Variants in ADAMTS5 observed in about 807,000 individuals in gnomAD.
ADAMTS5 encodes ADAM metallopeptidase with thrombospondin type 1 motif 5.
In ADAMTS5, 54 loss-of-function variants were observed where a neutral mutation model predicts 81.4. The observed-to-expected ratio is 0.66, with a 90% CI of 0.53 to 0.83. The LOEUF is 0.83. ADAMTS5 is among the 40% of genes least tolerant of loss of function. The probability of loss-of-function intolerance (pLI) is 0.00; values close to 1 mark genes in which losing one functional copy is unlikely to be tolerated. For missense variants in ADAMTS5, 1,194 were observed against 1,229.9 expected (o/e 0.97, Z 0.44); for synonymous variants, 532 against 508.8 (o/e 1.05, Z -0.61).
intron 1 of ADAMTS5, among the ~76,000 whole-genome samples, chr21:26,964,271 G>T (rs2036146): frequency 0.019 from 2,887 of 152,240 alleles, 101 homozygotes; most frequent in African/African-American, 0.064. Context: ...AGAACTATGC[G>T]CAAGCCAGGC....
chr21:26,941,186 G>A (rs1281120733), intron 3 of ADAMTS5, among the ~76,000 whole-genome samples: 1 of 152,016 alleles, frequency 6.6e-6, no homozygotes, highest in South Asian at 2.1e-4. Flanking sequence ...AAGTGAGAAA[G>A]TCTAGATTGG....
chr21:26,928,852 C>T (rs1411985946), intron 7 of ADAMTS5, among the ~76,000 whole-genome samples: 1 of 151,790 alleles, frequency 6.6e-6, no homozygotes, highest in Non-Finnish European at 1.5e-5. Context: ...TTTCAGAGTC[C>T]AACTCATTTT....
rs1291110431 is a variant in ADAMTS5, at chr21:26,932,085, A to G, written c.1968T>C (p.Tyr656=). Residue 656 remains tyrosine, a synonymous_variant, in exon 6 of 8, where the codon TAT becomes TAC. Coordinates refer to ENST00000284987, the MANE Select transcript of ADAMTS5 (RefSeq NM_007038.5). The part of the protein sequence containing the change: ...VKTFVEWVPK[Y]AGVLPADVCK... ...ACACATCCGCTGGCAGGACACCTGC[A>G]TATTTGGGAACCCATTCCACAAAAG... 3 of 1,614,116 alleles carry G rather than the reference A, an allele frequency of 1.9e-6. No individual in the cohort carries two copies. The highest frequency in any genetic ancestry group is 2.7e-5 in the African/African-American group (2 of 74,948).
At chr21:26,952,049 G>A (rs1400148773) in intron 2 of ADAMTS5, among the ~76,000 whole-genome samples, 1 of 152,160 alleles carries the variant, frequency 6.6e-6, no homozygotes, top group Non-Finnish European at 1.5e-5. Context: ...TTTTATGAAA[G>A]CAGAATTGAA....
Position 26,934,446 on chromosome 21 carries a change from C to T in ADAMTS5, c.1689+20G>A. 6.2e-7 allele frequency: 1 copy of T among 1,613,056 alleles called. No homozygotes were observed. The highest frequency in any genetic ancestry group is 1.1e-5 in the South Asian group (1 of 90,856). Reference sequence around the variant, plus strand: ...CACTTCTTGGGCCTCCAGGCATTGACTGATGAGAAAATCACTTACTGAATA... The same window carrying T: ...CACTTCTTGGGCCTCCAGGCATTGATTGATGAGAAAATCACTTACTGAATA... On this transcript the variant is annotated intron_variant, in intron 4 of 7. Coordinates refer to ENST00000284987, the MANE Select transcript of ADAMTS5 (RefSeq NM_007038.5).
chr21:26,929,298 A>G (rs1986862589), intron 7 of ADAMTS5, among the ~76,000 whole-genome samples: 1 of 152,146 alleles, frequency 6.6e-6, no homozygotes, highest in Non-Finnish European at 1.5e-5. Flanking sequence ...AGCATATTTT[A>G]TGCCGGAAAT....
chr21:26,949,152 T>A (rs1194774195), intron 2 of ADAMTS5, among the ~76,000 whole-genome samples: 1 of 150,368 alleles, frequency 6.7e-6, no homozygotes, highest in Non-Finnish European at 1.5e-5. Context: ...TATATATATA[T>A]ATCACACATA....
chr21:26,927,951 C>G (rs930341614), intron 7 of ADAMTS5, among the ~76,000 whole-genome samples: 3 of 151,894 alleles, frequency 2.0e-5, no homozygotes, highest in African/African-American at 7.2e-5. Context: ...AACCATGCCT[C>G]CAAAGTTTTG....
At chr21:26,965,209 A>C (rs1328282947) in intron 1 of ADAMTS5, 79 bp downstream of exon 1, 25 of 1,529,568 alleles carry the variant, frequency 1.6e-5, no homozygotes, top group Non-Finnish European at 2.1e-5. Flanking sequence ...TTGAGGGAGA[A>C]GCAAAGCCAC....
Position 26,923,718 on chromosome 21 carries a change from C to A in ADAMTS5, c.*335G>T, listed in dbSNP as rs1396336399. Reference sequence around the variant, plus strand: ...ATTATGGGTGAAAATGATTATGATACCATTAAAGACATTCTATCAGAGGTA... The same window carrying A: ...ATTATGGGTGAAAATGATTATGATAACATTAAAGACATTCTATCAGAGGTA... On this transcript the variant is annotated 3_prime_UTR_variant, in exon 8 of 8. Transcript: ENST00000284987. The A allele has an allele frequency of 8.9e-6, 2 of 225,102 alleles. No homozygotes were observed. The highest frequency in any genetic ancestry group is 2.2e-5 in the African/African-American group (1 of 44,932). 13.9% of individuals were successfully genotyped at this position (225,102 alleles called of 1,614,324 possible).
At chr21:26,945,805 C>T (rs1479219026) in intron 2 of ADAMTS5, among the ~76,000 whole-genome samples, 2 of 152,130 alleles carry the variant, frequency 1.3e-5, no homozygotes, top group Non-Finnish European at 2.9e-5. Flanking sequence ...ACTTAATTGC[C>T]ACTGAAGATG....
intron 7 of ADAMTS5, among the ~76,000 whole-genome samples, chr21:26,926,446 G>A (rs1405160194): frequency 2.0e-5 from 3 of 152,208 alleles, no homozygotes; most frequent in Admixed American, 6.5e-5. Context: ...ACTGAGGCAA[G>A]GGGATCACCT....
intron 6 of ADAMTS5, among the ~76,000 whole-genome samples, chr21:26,930,569 C>T (rs181839390): frequency 3.3e-5 from 5 of 152,202 alleles, no homozygotes; most frequent in East Asian, 3.9e-4. Context: ...ACACTGAAAT[C>T]GACACAACCA....
intron 7 of ADAMTS5, 102 bp from the exon 8 acceptor site, chr21:26,924,722 C>T (rs760877507): frequency 1.3e-5 from 13 of 982,984 alleles, no homozygotes; most frequent in Middle Eastern, 2.2e-4. Context: ...CAGAAGTTCT[C>T]TAAAAAGTCT....
chr21:26,933,503 C>T (rs1986953498), intron 4 of ADAMTS5, among the ~76,000 whole-genome samples: 1 of 152,192 alleles, frequency 6.6e-6, no homozygotes, highest in South Asian at 2.1e-4. Flanking sequence ...ACTCTGCAGT[C>T]CCTTTGTTGA....
At chr21:26,943,145 GCTTCTC>G (rs1168231992) in intron 3 of ADAMTS5, among the ~76,000 whole-genome samples, 15 of 152,188 alleles carry the variant, frequency 9.9e-5, no homozygotes, top group Non-Finnish European at 4.4e-5. Flanking sequence ...CTTCCACACT[GCTTCTC>G]CTTTGAAATT....
intron 1 of ADAMTS5, among the ~76,000 whole-genome samples, chr21:26,956,769 T>C (rs1211268607): frequency 6.6e-6 from 1 of 152,202 alleles, no homozygotes; most frequent in Non-Finnish European, 1.5e-5. Context: ...TAAGCTAAGA[T>C]GAAGAGCCAC....
In ADAMTS5 at chr21:26,932,127, A is replaced by C. The variant is rs1180406597; in HGVS notation, c.1926T>G (p.Asp642Glu). 23 of 1,614,228 alleles carry C rather than the reference A, an allele frequency of 1.4e-5. No homozygotes were observed. The highest frequency in any genetic ancestry group is 1.9e-5 in the Non-Finnish European group (22 of 1,180,016). Residue 642 changes from aspartate (D) to glutamate (E), a missense_variant, in exon 6 of 8, where the codon GAT becomes GAG. Around this residue, in one of 2 missense-constraint regions of ADAMTS5, gnomAD observed 696 missense variants for 817.6 expected, o/e 0.85. Transcript: ENST00000284987. ...CCACAAAAGTTTTGACTCCTTTTGC[A>C]TCAGACTGATAGCCATTTTTGGCCT... is the stretch of plus-strand genomic sequence containing the variant. ...QCEAKNGYQS[D>E]AKGVKTFVEW... is the part of the protein sequence containing the mutation.
Position 26,919,879 on chromosome 21 carries a change from T to C in ADAMTS5, c.*4174A>G, listed in dbSNP as rs1002257010. The C allele has an allele frequency of 6.6e-6, 1 of 152,110 alleles. No individual in the cohort carries two copies. Among genetic ancestry groups the C allele is most frequent in the Non-Finnish European group, 1.5e-5 (1 of 67,988 alleles). 9.4% of individuals were successfully genotyped at this position (152,110 alleles called of 1,614,324 possible). On this transcript the variant is annotated 3_prime_UTR_variant, in exon 8 of 8. Coordinates refer to ENST00000284987, the MANE Select transcript of ADAMTS5 (RefSeq NM_007038.5). The stretch of plus-strand genomic sequence containing the variant: ...AGGGAAAACATACAAGTTCCTTTTC[T>C]GTGTGTCTAAATGATACATTGTCTT...
Sources: gnomAD v4.1 joint callset for allele counts (sites outside exome capture counted in the v4.1 genomes callset) on GRCh38, gnomAD v4.1.1 for gene constraint, gnomAD v4.1.1 regional missense constraint, MANE v1.5 for transcripts, NCBI Gene and HGNC (gene_info 2026-07-23, HGNC 2026-07-21) for gene names.